The following CSMD1 variants were observed in gnomAD, a reference collection of about 807,000 sequenced individuals.
CSMD1 encodes CUB and Sushi multiple domains 1.
CSMD1 carries 213 observed loss-of-function variants against 417.5 expected under a neutral mutation model. That is an observed-to-expected ratio of 0.51 (90% CI 0.46 to 0.57). CSMD1 has a LOEUF of 0.57. Ranked by LOEUF, CSMD1 falls within the 20% of genes least tolerant of loss-of-function variation. The pLI is 0.00. For synonymous variants in CSMD1, 2,862 were observed against 1,736.8 expected, an observed-to-expected ratio of 1.65 and a Z score of -16.11; for missense variants, 6,923 against 4,529.7, an observed-to-expected ratio of 1.53 and a Z score of -15.17.
intron 3 of CSMD1, among the ~76,000 whole-genome samples, chr8:4,119,740 G>T (rs534971786): frequency 1.3e-5 from 2 of 152,214 alleles, no homozygotes; most frequent in African/African-American, 4.8e-5. Context: ...CCTCCAAACA[G>T]TGGGAAATGA....
chr8:3,637,519 C>A (rs1487961566), intron 7 of CSMD1, among the ~76,000 whole-genome samples: 1 of 152,124 alleles, frequency 6.6e-6, no homozygotes, highest in African/African-American at 2.4e-5. Flanking sequence ...TACAAAACTA[C>A]CTGACAAGAA....
intron 3 of CSMD1, among the ~76,000 whole-genome samples, chr8:4,078,314 T>G (rs894906370): frequency 2.5e-5 from 2 of 79,276 alleles, no homozygotes; most frequent in East Asian, 2.6e-4. Context: ...GATATCCAAC[T>G]TTTTTTTTTT....
intron 7 of CSMD1, among the ~76,000 whole-genome samples, chr8:3,699,335 G>A (rs1021771189): frequency 6.6e-6 from 1 of 152,210 alleles, no homozygotes; most frequent in Admixed American, 6.5e-5. Context: ...TGAAACTAGT[G>A]TGTTTTACTG....
chr8:3,655,188 T>G (rs1798041932), intron 7 of CSMD1, among the ~76,000 whole-genome samples: 1 of 152,198 alleles, frequency 6.6e-6, no homozygotes, highest in South Asian at 2.1e-4. Context: ...CACAGATTAT[T>G]TTTTGGTCAA....
At chr8:3,121,938 T>C (rs779534557) in intron 41 of CSMD1, among the ~76,000 whole-genome samples, 14 of 152,346 alleles carry the variant, frequency 9.2e-5, no homozygotes, top group Admixed American at 5.9e-4. Context: ...TATTACATTT[T>C]ATTTATAATG....
At chr8:4,992,884 C>CG (rs1811550007) in intron 1 of CSMD1, among the ~76,000 whole-genome samples, 1 of 152,190 alleles carries the variant, frequency 6.6e-6, no homozygotes, top group Non-Finnish European at 1.5e-5. Flanking sequence ...CCCGAGATCT[C>CG]GGGGCGCATT....
chr8:3,817,228 C>T (rs1271424036), intron 5 of CSMD1, among the ~76,000 whole-genome samples: 3 of 135,926 alleles, frequency 2.2e-5, no homozygotes, highest in Non-Finnish European at 4.6e-5. Context: ...ATCTCCAAAT[C>T]CAAAGTGGTC....
intron 5 of CSMD1, among the ~76,000 whole-genome samples, chr8:3,805,094 C>A (rs1030289717): frequency 1.4e-5 from 2 of 142,172 alleles, no homozygotes; most frequent in East Asian, 4.3e-4. Context: ...CTACGGGAAC[C>A]CCACTGTTAT....
chr8:4,233,630 C>T (rs1181294499), intron 3 of CSMD1, among the ~76,000 whole-genome samples: 1 of 152,072 alleles, frequency 6.6e-6, no homozygotes, highest in Non-Finnish European at 1.5e-5. Flanking sequence ...TCTTGGACTG[C>T]CCAGATGCTC....
At chr8:4,983,196 A>C (rs1810992213) in intron 1 of CSMD1, among the ~76,000 whole-genome samples, 1 of 152,224 alleles carries the variant, frequency 6.6e-6, no homozygotes, top group African/African-American at 2.4e-5. Flanking sequence ...TATGTTGACA[A>C]GTTCTAGTCT....
intron 20 of CSMD1, among the ~76,000 whole-genome samples, chr8:3,366,736 A>G (rs1051416896): frequency 3.9e-5 from 6 of 152,208 alleles, no homozygotes; most frequent in African/African-American, 1.4e-4. Flanking sequence ...GTTGGTGAAG[A>G]GAATCGAGTG....
intron 3 of CSMD1, among the ~76,000 whole-genome samples, chr8:4,169,185 T>C (rs908226271): frequency 1.5e-4 from 23 of 152,164 alleles, no homozygotes; most frequent in Admixed American, 7.9e-4. Flanking sequence ...TTCAGAATGT[T>C]AACATAGTGT....
chr8:3,754,669 G>A (rs987768923), intron 5 of CSMD1, among the ~76,000 whole-genome samples: 1 of 152,280 alleles, frequency 6.6e-6, no homozygotes, highest in East Asian at 1.9e-4. Flanking sequence ...TGGCCAGGCT[G>A]GTCTCGAACT....
chr8:4,716,851 A>C (rs1379789992), intron 1 of CSMD1, among the ~76,000 whole-genome samples: 1 of 152,120 alleles, frequency 6.6e-6, no homozygotes, highest in Non-Finnish European at 1.5e-5. Context: ...GAAACAACCA[A>C]ATTTTGTGTG....
chr8:4,422,759 T>C (rs931285861), intron 2 of CSMD1, among the ~76,000 whole-genome samples: 1 of 152,200 alleles, frequency 6.6e-6, no homozygotes, highest in East Asian at 1.9e-4. Context: ...ATGTCTCTCA[T>C]GCATATAGAT....
intron 3 of CSMD1, among the ~76,000 whole-genome samples, chr8:4,173,656 C>G (rs556351169): frequency 2.0e-5 from 3 of 151,954 alleles, no homozygotes; most frequent in Non-Finnish European, 4.4e-5. Context: ...ACTTTTCAGA[C>G]CCAAAACTGT....
intron 3 of CSMD1, among the ~76,000 whole-genome samples, chr8:4,117,490 C>A (rs954814337): frequency 6.6e-6 from 1 of 152,136 alleles, no homozygotes; most frequent in African/African-American, 2.4e-5. Context: ...ACTCAATGTG[C>A]TATAAATCAT....
intron 49 of CSMD1, among the ~76,000 whole-genome samples, chr8:3,060,407 T>G (rs1563292919): frequency 6.6e-6 from 1 of 152,064 alleles, no homozygotes; most frequent in African/African-American, 2.4e-5. Context: ...CCTGAACTCC[T>G]TGAACTCCTG....
intron 3 of CSMD1, among the ~76,000 whole-genome samples, chr8:4,111,026 C>T (rs898592591): frequency 5.3e-5 from 8 of 152,008 alleles, no homozygotes; most frequent in Admixed American, 2.0e-4. Flanking sequence ...CAGGGACTCC[C>T]TGCGAAAGGA....
Sources: gnomAD v4.1 joint callset for allele counts (sites outside exome capture counted in the v4.1 genomes callset) on GRCh38, gnomAD v4.1.1 for gene constraint, MANE v1.5 for transcripts, NCBI Gene and HGNC (gene_info 2026-07-23, HGNC 2026-07-21) for gene names.